ZNF462: variants seen among roughly 807,000 people sequenced by gnomAD.
The protein encoded by ZNF462 is zinc finger PBX1-interacting protein.
In ZNF462, 10 loss-of-function variants were observed where a neutral mutation model predicts 201.9. The observed-to-expected ratio is 0.05, with a 90% CI of 0.03 to 0.08. ZNF462 has a LOEUF of 0.08. ZNF462 is among the 10% of genes least tolerant of loss of function. The pLI is 1.00. For missense variants in ZNF462, 2,523 were observed against 3,168.3 expected, an observed-to-expected ratio of 0.80 and a Z score of 4.89; for synonymous variants, 1,227 against 1,193.3, an observed-to-expected ratio of 1.03 and a Z score of -0.58.
At position 106,899,193 on chromosome 9, in the gene ZNF462, GGAGA is replaced by G. The variant is rs143076514; in HGVS notation, c.-30-24142_-30-24139del. ...AGAAGAAGTTAGGCCAGAGGGACAT[GGAGA>G]GAGAGAGAGAGAGAGAGAATGTGTG... On this transcript the variant is annotated intron_variant, in intron 1 of 12. Transcript: ENST00000277225. Among the ~76,000 whole-genome samples, 159 of 134,970 alleles carry G rather than the reference GGAGA, an allele frequency of 1.2e-3. 2 individuals are homozygous for G. The highest frequency in any genetic ancestry group is 1.9e-3 in the Non-Finnish European group (121 of 63,148). The allele number at this position is 134,970 out of a possible 152,430, so 88.5% of individuals were successfully genotyped here. A position where few individuals can be genotyped will look rare whatever the true frequency, so the allele number is the denominator to read the frequency against.
chr9:106,988,766 G>A (rs917439772), intron 10 of ZNF462, among the ~76,000 whole-genome samples: 1 of 152,006 alleles, frequency 6.6e-6, no homozygotes, highest in East Asian at 1.9e-4. Flanking sequence ...CCTTTGTTAG[G>A]TATATTCCTA....
intron 7 of ZNF462, among the ~76,000 whole-genome samples, chr9:106,946,377 T>C (rs923286019): frequency 6.6e-6 from 1 of 152,226 alleles, no homozygotes; most frequent in Non-Finnish European, 1.5e-5. Context: ...GAATTTTTCC[T>C]TGTCTTCTCA....
At position 106,930,505 on chromosome 9, in the gene ZNF462, C is replaced by A. The variant is rs115009994; in HGVS notation, c.5848-20C>A. On this transcript the variant is annotated intron_variant, in intron 3 of 12. Transcript: ENST00000277225. This position sits in a 1 kb window ranked among gnomAD's most constrained non-coding sequence, Gnocchi z 5.8. Reference sequence around the variant, plus strand: ...GAGGGAGGGCTCGGAGTACTGATGGCTACCACTGTATTTTACCAGCCTTTT... The same window carrying A: ...GAGGGAGGGCTCGGAGTACTGATGGATACCACTGTATTTTACCAGCCTTTT... 2,596 of 1,613,328 alleles carry A rather than the reference C, an allele frequency of 1.6e-3. 33 individuals are homozygous for A. In the African/African-American group the frequency reaches 0.023, roughly 14 times the overall value.
At position 106,977,370 on chromosome 9, in the gene ZNF462, G is replaced by A. The variant is rs1203741815; in HGVS notation, c.6832+3097G>A. Among the ~76,000 whole-genome samples the A allele has an allele frequency of 6.6e-6, 1 of 151,554 alleles. No homozygotes were observed. Among genetic ancestry groups the A allele is most frequent in the African/African-American group, 2.4e-5 (1 of 40,850 alleles). On this transcript the variant is annotated intron_variant, in intron 9 of 12. Coordinates refer to ENST00000277225, the MANE Select transcript of ZNF462 (RefSeq NM_021224.6). The surrounding 1 kb of genome is among the most constrained non-coding windows in gnomAD (Gnocchi z 4.6). ...TTAATTAAAGTATGTGGGATGAAAAGCAAGAAAACCAACTTCTGAACTGGC... is the reference window on the plus strand; with the variant it reads ...TTAATTAAAGTATGTGGGATGAAAAACAAGAAAACCAACTTCTGAACTGGC...
chr9:106,919,936 C>G lies in ZNF462; in HGVS notation c.-30-3418C>G, dbSNP rs1829922118. Reference sequence around the variant, plus strand: ...CTCTTTTTAGTTAGTTCAGAAACTTCCTCTTTTACTTTTGATTTTGCTGAT... The same window carrying G: ...CTCTTTTTAGTTAGTTCAGAAACTTGCTCTTTTACTTTTGATTTTGCTGAT... On this transcript the variant is annotated intron_variant, in intron 1 of 12. Coordinates refer to ENST00000277225, the MANE Select transcript of ZNF462 (RefSeq NM_021224.6). This position sits in a 1 kb window ranked among gnomAD's most constrained non-coding sequence, Gnocchi z 4.5. 1.3e-5 allele frequency among the ~76,000 whole-genome samples: 2 copies of G among 152,076 alleles called. No individual in the cohort carries two copies. The highest frequency in any genetic ancestry group is 4.8e-5 in the African/African-American group (2 of 41,402).
chr9:106,887,089 G>C (rs1213655474), intron 1 of ZNF462, among the ~76,000 whole-genome samples: 2 of 152,178 alleles, frequency 1.3e-5, no homozygotes, highest in African/African-American at 4.8e-5. Flanking sequence ...TTAGTCAAGG[G>C]CAGAGAATCT....
chr9:106,867,112 G>A (rs1356568553), intron 1 of ZNF462, among the ~76,000 whole-genome samples: 1 of 152,134 alleles, frequency 6.6e-6, no homozygotes, highest in Non-Finnish European at 1.5e-5. Context: ...TTGGAATTTG[G>A]AAATGCATTC....
At chr9:106,864,084 CTCTCTCTCTCTCTCTCTCTCTCTCT>C (rs1827200459) in intron 1 of ZNF462, among the ~76,000 whole-genome samples, 1 of 138,538 alleles carries the variant, frequency 7.2e-6, no homozygotes, top group Admixed American at 7.4e-5. Context: ...CTCTCTCTCT[CTCTCTCTCTCTCTCTCTCTCTCTCT>C]CCCTCTCCCC....
intron 7 of ZNF462, among the ~76,000 whole-genome samples, chr9:106,943,055 C>CGTGTGTGT (rs771634911): frequency 0.028 from 2,233 of 81,056 alleles, 60 homozygotes; most frequent in African/African-American, 0.11. Flanking sequence ...TTGTTTTGCG[C>CGTGTGTGT]GCGCGTGTGT....
chr9:106,922,072 C>T (rs2131413861), intron 1 of ZNF462, among the ~76,000 whole-genome samples: 1 of 152,290 alleles, frequency 6.6e-6, no homozygotes, highest in East Asian at 1.9e-4. Context: ...GCTCCTTTCA[C>T]TACATTGATG....
chr9:107,000,729 C>T (rs542072281), intron 10 of ZNF462, among the ~76,000 whole-genome samples: 1 of 152,136 alleles, frequency 6.6e-6, no homozygotes, highest in South Asian at 2.1e-4. Flanking sequence ...TAAAATCATG[C>T]AGAATTTAAA....
In ZNF462 at chr9:107,011,783, AAC is replaced by A. The variant is rs1260083819; in HGVS notation, c.*755_*756del. 12 of 152,206 alleles carry A rather than the reference AAC, an allele frequency of 7.9e-5. No individual in the cohort carries two copies. Among genetic ancestry groups the A allele is most frequent in the Admixed American group, 7.9e-4 (12 of 15,272 alleles). 9.4% of individuals were successfully genotyped at this position (152,206 alleles called of 1,614,324 possible). A position where few individuals can be genotyped will look rare whatever the true frequency, so the allele number is the denominator to read the frequency against. Reference sequence around the variant, plus strand: ...AGTAAAAAACAAAACAAAAAAAAGAAACAGACTTTAATTATTAGATAACTGTT... The same window carrying A: ...AGTAAAAAACAAAACAAAAAAAAGAAAGACTTTAATTATTAGATAACTGTT... On this transcript the variant is annotated 3_prime_UTR_variant, in exon 13 of 13. Coordinates refer to ENST00000277225, the MANE Select transcript of ZNF462 (RefSeq NM_021224.6). The surrounding 1 kb of genome is among the most constrained non-coding windows in gnomAD (Gnocchi z 5.6).
In ZNF462 at chr9:107,003,284, C is replaced by G; in HGVS notation, c.7057-10C>G. The G allele has an allele frequency of 6.2e-7, 1 of 1,613,146 alleles. No homozygotes were observed. The highest frequency in any genetic ancestry group is 8.5e-7 in the Non-Finnish European group (1 of 1,179,490). On this transcript the variant is annotated splice_polypyrimidine_tract_variant and intron_variant, in intron 10 of 12. Transcript: ENST00000277225. This position sits in a 1 kb window ranked among gnomAD's most constrained non-coding sequence, Gnocchi z 4.4. ...TTTATTATTCCATCATTTGTTTGGG[C>G]CTTTTTCAGGTAAGCCGTAACTTTG... is the stretch of plus-strand genomic sequence containing the variant.
intron 10 of ZNF462, among the ~76,000 whole-genome samples, chr9:106,985,314 T>G (rs936660715): frequency 1.3e-5 from 2 of 152,112 alleles, no homozygotes; most frequent in Non-Finnish European, 2.9e-5. Flanking sequence ...GTCTGAACAT[T>G]ATAAGGATTG....
intron 10 of ZNF462, among the ~76,000 whole-genome samples, chr9:106,998,104 A>G (rs1330919316): frequency 6.6e-6 from 1 of 152,200 alleles, no homozygotes; most frequent in Non-Finnish European, 1.5e-5. Context: ...GTCATTCAAA[A>G]TCTTCACAGC....
At position 106,886,964 on chromosome 9, in the gene ZNF462, CCCTTA is replaced by C. The variant is rs1828347010; in HGVS notation, c.-31+23611_-31+23615del. ...GGTGGCACTTCCCTATACTTGCTGT[CCCTTA>C]CAATTATGTGACTTAAAATTACAGC... On this transcript the variant is annotated intron_variant, in intron 1 of 12. Coordinates refer to ENST00000277225, the MANE Select transcript of ZNF462 (RefSeq NM_021224.6). This position sits in a 1 kb window ranked among gnomAD's most constrained non-coding sequence, Gnocchi z 4.6. 6.6e-6 allele frequency among the ~76,000 whole-genome samples: 1 copy of C among 152,070 alleles called. No individual in the cohort carries two copies. Among genetic ancestry groups the C allele is most frequent in the South Asian group, 2.1e-4 (1 of 4,822 alleles).
chr9:106,983,293 A>T (rs1285857351), intron 9 of ZNF462, among the ~76,000 whole-genome samples: 1 of 151,948 alleles, frequency 6.6e-6, no homozygotes, highest in African/African-American at 2.4e-5. Flanking sequence ...TCTCTCTTTT[A>T]TTTTTTCCCT....
rs1233585671 is a variant in ZNF462, at chr9:106,926,934, ACTC to A, written c.3025_3027del (p.Pro1009del). On this transcript the variant is annotated inframe_deletion, in exon 3 of 13. Transcript: ENST00000277225. This position sits in a 1 kb window ranked among gnomAD's most constrained non-coding sequence, Gnocchi z 7.9. ...TTTGCCAGCTACGTTCAACAAAAAC[ACTC>A]CTAAGACCTTTACTCCTGAATGTGA... 1 of 1,613,852 alleles carries A rather than the reference ACTC, an allele frequency of 6.2e-7. No homozygotes were observed. Among genetic ancestry groups the A allele is most frequent in the African/African-American group, 1.3e-5 (1 of 74,818 alleles).
intron 7 of ZNF462, among the ~76,000 whole-genome samples, chr9:106,967,112 G>T (rs892114710): frequency 1.3e-5 from 2 of 152,068 alleles, no homozygotes; most frequent in Non-Finnish European, 1.5e-5. Flanking sequence ...TCCTGTTACT[G>T]TTCATTTGTT....
Sources: allele counts gnomAD v4.1 joint callset (sites outside exome capture counted in the v4.1 genomes callset), GRCh38; gene constraint gnomAD v4.1.1; non-coding constraint Gnocchi (gnomAD v3.1); transcripts MANE v1.5; gene names NCBI Gene and HGNC (gene_info 2026-07-23, HGNC 2026-07-21).